The following PACSIN2 variants were observed in gnomAD, a reference collection of about 807,000 sequenced individuals.
PACSIN2 encodes the protein protein kinase C and casein kinase substrate in neurons protein 2.
Under a neutral mutation model 63.8 loss-of-function variants are expected in PACSIN2, and 25 were observed. The ratio of observed to expected loss-of-function variants is 0.39; its 90% CI spans 0.29 to 0.55. PACSIN2 has a LOEUF of 0.55. Among genes scored for constraint, PACSIN2 ranks in the 20% least tolerant of loss-of-function variants. The pLI is 0.62. For synonymous variants in PACSIN2, 255 were observed against 256.2 expected, an observed-to-expected ratio of 1.00 and a Z score of 0.05; for missense variants, 518 against 646.9, an observed-to-expected ratio of 0.80 and a Z score of 2.16.
chr22:42,966,267 G>A (rs1356720979), intron 1 of PACSIN2, among the ~76,000 whole-genome samples: 2 of 152,108 alleles, frequency 1.3e-5, no homozygotes, highest in African/African-American at 4.8e-5. Context: ...CTACTTGGGA[G>A]GCTGAGGCAG....
At chr22:42,878,965 C>A (rs1928858361) in intron 8 of PACSIN2, 83 bp downstream of exon 8, 17 of 1,455,766 alleles carry the variant, frequency 1.2e-5, no homozygotes, top group Non-Finnish European at 1.6e-5. Flanking sequence ...GGTGTCCAGG[C>A]CGGGGCTGCC....
At chr22:43,011,426 G>T (rs1924480380) in intron 1 of PACSIN2, among the ~76,000 whole-genome samples, 1 of 152,202 alleles carries the variant, frequency 6.6e-6, no homozygotes, top group African/African-American at 2.4e-5. Context: ...CATGAAGGTG[G>T]CCAGAGAGCA....
At chr22:42,961,522 A>G (rs892770587) in intron 1 of PACSIN2, among the ~76,000 whole-genome samples, 1 of 151,954 alleles carries the variant, frequency 6.6e-6, no homozygotes, top group Non-Finnish European at 1.5e-5. Context: ...TTGTAGTCCC[A>G]GCACTTTGGT....
Position 42,959,393 on chromosome 22 carries a change from A to G in PACSIN2, c.-77-47236T>C, listed in dbSNP as rs117132112. ...CTCATTTAGCTACTCGGTAAGAAAA[A>G]AATACAGCTAAAGTATGTCAGCTAC... On this transcript the variant is annotated intron_variant, in intron 1 of 10. Coordinates refer to ENST00000263246, the MANE Select transcript of PACSIN2 (RefSeq NM_001184970.3). Among the ~76,000 whole-genome samples the G allele has an allele frequency of 1.6e-3, 244 of 152,344 alleles. 1 individual carries two copies. The highest frequency in any genetic ancestry group is 2.9e-3 in the Non-Finnish European group (199 of 68,034).
chr22:42,922,471 AC>A lies in PACSIN2; in HGVS notation c.-77-10315del, dbSNP rs1569275811. ...CTGGCCTCGGGAGAAAGCCCCCGAT[AC>A]CCCGCTCTAATCCTCTAACTGCAGA... On this transcript the variant is annotated intron_variant, in intron 1 of 10. Coordinates refer to ENST00000263246, the MANE Select transcript of PACSIN2 (RefSeq NM_001184970.3). 7.9e-5 allele frequency among the ~76,000 whole-genome samples: 12 copies of A among 152,230 alleles called. No individual in the cohort carries two copies. The South Asian group carries it at 2.5e-3, about 32-fold the overall frequency.
intron 8 of PACSIN2, among the ~76,000 whole-genome samples, chr22:42,878,159 GC>G (rs1004151247): frequency 2.0e-4 from 30 of 152,262 alleles, no homozygotes; most frequent in African/African-American, 7.2e-4. Flanking sequence ...CCAGCCCAGG[GC>G]CCCCAGGGTC....
chr22:42,932,529 G>A (rs972867458), intron 1 of PACSIN2, among the ~76,000 whole-genome samples: 1 of 152,180 alleles, frequency 6.6e-6, no homozygotes, highest in Non-Finnish European at 1.5e-5. Context: ...ATCTTTACAA[G>A]TGAAATGGTG....
chr22:42,897,583 T>C (rs999864937), intron 2 of PACSIN2, among the ~76,000 whole-genome samples: 1 of 152,198 alleles, frequency 6.6e-6, no homozygotes, highest in African/African-American at 2.4e-5. Flanking sequence ...TCAGGCTCAC[T>C]CCACTCAGAA....
chr22:42,906,504 C>T (rs1931083976), intron 2 of PACSIN2, among the ~76,000 whole-genome samples: 3 of 152,200 alleles, frequency 2.0e-5, no homozygotes, highest in South Asian at 2.1e-4. Flanking sequence ...GCCCACACGT[C>T]GAGGGCCCTG....
At chr22:42,994,829 C>T (rs1321750453) in intron 1 of PACSIN2, among the ~76,000 whole-genome samples, 1 of 152,226 alleles carries the variant, frequency 6.6e-6, no homozygotes, top group Non-Finnish European at 1.5e-5. Flanking sequence ...AGCATATCCA[C>T]ACCTAGAGCC....
chr22:42,904,346 T>C (rs1422815832), intron 2 of PACSIN2, among the ~76,000 whole-genome samples: 2 of 152,220 alleles, frequency 1.3e-5, no homozygotes, highest in Non-Finnish European at 2.9e-5. Flanking sequence ...CATGCACTGC[T>C]CACTTGCCTT....
intron 1 of PACSIN2, among the ~76,000 whole-genome samples, chr22:42,923,921 A>C (rs1357757856): frequency 6.6e-6 from 1 of 152,000 alleles, no homozygotes; most frequent in Non-Finnish European, 1.5e-5. Flanking sequence ...GCACGCCTGT[A>C]CTCCCAGCTA....
intron 1 of PACSIN2, among the ~76,000 whole-genome samples, chr22:42,924,037 G>C (rs918207984): frequency 6.7e-6 from 1 of 150,262 alleles, no homozygotes; most frequent in Non-Finnish European, 1.5e-5. Context: ...GCGAGACCTG[G>C]TCTCTTTAAA....
At chr22:42,991,384 C>T (rs1341895579) in intron 1 of PACSIN2, among the ~76,000 whole-genome samples, 5 of 152,206 alleles carry the variant, frequency 3.3e-5, no homozygotes, top group African/African-American at 1.2e-4. Context: ...GCCCCTCCCA[C>T]CTTTCTCAGC....
chr22:42,900,779 T>TCC (rs1163113421), intron 2 of PACSIN2, among the ~76,000 whole-genome samples: 1 of 152,198 alleles, frequency 6.6e-6, no homozygotes, highest in Non-Finnish European at 1.5e-5. Flanking sequence ...CGACCTAGTG[T>TCC]CCCTATTTTA....
intron 2 of PACSIN2, among the ~76,000 whole-genome samples, chr22:42,899,788 G>A (rs1285707528): frequency 2.0e-5 from 3 of 152,234 alleles, no homozygotes; most frequent in African/African-American, 7.2e-5. Flanking sequence ...CAGTGCAGCG[G>A]GAGGAAGGAT....
chr22:42,922,989 G>A (rs1275561178), intron 1 of PACSIN2, among the ~76,000 whole-genome samples: 2 of 152,186 alleles, frequency 1.3e-5, no homozygotes, highest in African/African-American at 4.8e-5. Context: ...GAGAAGGACA[G>A]GGGAGGGGTC....
At chr22:42,947,532 G>A (rs1442152029) in intron 1 of PACSIN2, among the ~76,000 whole-genome samples, 4 of 152,144 alleles carry the variant, frequency 2.6e-5, no homozygotes, top group Non-Finnish European at 5.9e-5. Context: ...GAATCCTCAA[G>A]AGGAGCTGAA....
intron 1 of PACSIN2, among the ~76,000 whole-genome samples, chr22:42,965,094 C>T (rs1184473049): frequency 6.6e-6 from 1 of 152,102 alleles, no homozygotes; most frequent in African/African-American, 2.4e-5. Context: ...GAAAACCACT[C>T]GGCAATAAAA....
Sources: gnomAD v4.1 joint callset for allele counts (sites outside exome capture counted in the v4.1 genomes callset) on GRCh38, gnomAD v4.1.1 for gene constraint, MANE v1.5 for transcripts, NCBI Gene and HGNC (gene_info 2026-07-23, HGNC 2026-07-21) for gene names.